The following GMEB1 variants were observed in gnomAD, a reference collection of about 807,000 sequenced individuals.
GMEB1 encodes glucocorticoid modulatory element binding protein 1, also known as glucocorticoid modulatory element-binding protein 1.
A neutral mutation model predicts 52.4 loss-of-function variants in GMEB1; 6 were observed. The observed-to-expected ratio is 0.11, with a 90% CI of 0.06 to 0.23. The LOEUF (loss-of-function observed/expected upper bound fraction) is 0.23. Among genes scored for constraint, GMEB1 ranks in the 10% least tolerant of loss-of-function variants. The probability of loss-of-function intolerance (pLI) is 1.00; values close to 1 mark genes in which losing one functional copy is unlikely to be tolerated. For synonymous variants in GMEB1, 255 were observed against 244.9 expected (o/e 1.04, Z -0.38); for missense variants, 486 against 685.6 (o/e 0.71, Z 3.25).
At chr1:28,672,079 T>A (rs1242939553) in intron 1 of GMEB1, among the ~76,000 whole-genome samples, 1 of 150,474 alleles carries the variant, frequency 6.6e-6, no homozygotes, top group Non-Finnish European at 1.5e-5. Flanking sequence ...GCCATTGCAC[T>A]CCAGCCTGGG....
At position 28,681,136 on chromosome 1, in the gene GMEB1, C is replaced by T. The variant is rs147740991; in HGVS notation, c.-30-2447C>T. Among the ~76,000 whole-genome samples, 17 of 152,190 alleles carry T rather than the reference C, an allele frequency of 1.1e-4. No individual in the cohort carries two copies. In the East Asian group the frequency reaches 1.2e-3, roughly 10 times the overall value. On this transcript the variant is annotated intron_variant, in intron 1 of 9. Coordinates refer to ENST00000373816, the MANE Select transcript of GMEB1 (RefSeq NM_001319674.2). ...CAACAAAGTGAGATGATGGTTGTGA[C>T]GGGGGTACTGCAGGTGCTGAGAGAT...
chr1:28,668,639 C>G (rs903910700), upstream of GMEB1: 1 of 153,250 alleles, frequency 6.5e-6, no homozygotes, highest in Non-Finnish European at 1.5e-5. Context: ...AGGCCCAAAT[C>G]CCTTGGCTAA....
intron 3 of GMEB1, 125 bp downstream of exon 3, chr1:28,690,311 C>G: frequency 1.8e-6 from 1 of 570,110 alleles, no homozygotes; most frequent in Non-Finnish European, 3.1e-6. Flanking sequence ...CCTGTGTGCC[C>G]TACCAGTACT....
intron 8 of GMEB1, among the ~76,000 whole-genome samples, chr1:28,707,031 G>A (rs557529322): frequency 7.9e-6 from 1 of 126,588 alleles, no homozygotes. Context: ...CTCCCAGGCT[G>A]GAGTGCAGTG....
chr1:28,697,649 G>A (rs1236271294), intron 6 of GMEB1, among the ~76,000 whole-genome samples: 1 of 152,148 alleles, frequency 6.6e-6, no homozygotes, highest in Non-Finnish European at 1.5e-5. Context: ...CTCCTCCTTT[G>A]TTTTTTCCTT....
At chr1:28,684,858 T>TTAAA (rs1000883446) in intron 2 of GMEB1, among the ~76,000 whole-genome samples, 6 of 152,060 alleles carry the variant, frequency 3.9e-5, no homozygotes, top group East Asian at 1.9e-4. Context: ...TCCTAGAACT[T>TTAAA]TAAATAAATA....
At chr1:28,676,821 A>C (rs915493176) in intron 1 of GMEB1, among the ~76,000 whole-genome samples, 1 of 152,128 alleles carries the variant, frequency 6.6e-6, no homozygotes, top group Admixed American at 6.6e-5. Flanking sequence ...TAATCTCAGC[A>C]CTTTGGGAGG....
intron 2 of GMEB1, among the ~76,000 whole-genome samples, chr1:28,687,330 T>C: frequency 9.5e-6 from 1 of 105,774 alleles, no homozygotes; most frequent in South Asian, 3.6e-4. Flanking sequence ...AATGAGACCC[T>C]ATCTCACACA....
chr1:28,675,873 G>T (rs906406741), intron 1 of GMEB1, among the ~76,000 whole-genome samples: 5 of 152,086 alleles, frequency 3.3e-5, no homozygotes, highest in African/African-American at 1.2e-4. Flanking sequence ...AGATGACCTT[G>T]CATTTAGAGT....
intron 8 of GMEB1, among the ~76,000 whole-genome samples, chr1:28,705,082 CA>C (rs756423377): frequency 7.2e-3 from 355 of 49,244 alleles, no homozygotes; most frequent in Middle Eastern, 0.021. Flanking sequence ...GACCTTGTCT[CA>C]AAAAAAAAAA....
intron 1 of GMEB1, among the ~76,000 whole-genome samples, chr1:28,670,999 ACT>A (rs1437279127): frequency 1.3e-5 from 2 of 152,152 alleles, no homozygotes; most frequent in East Asian, 3.9e-4. Context: ...ACTCCAAATA[ACT>A]CTTATCCCAT....
intron 2 of GMEB1, among the ~76,000 whole-genome samples, chr1:28,687,346 A>T (rs1007858483): frequency 2.4e-5 from 1 of 41,288 alleles, no homozygotes; most frequent in African/African-American, 9.5e-5. Context: ...ACACACACAC[A>T]CACACACACA....
intron 9 of GMEB1, among the ~76,000 whole-genome samples, chr1:28,713,464 C>G (rs1465266402): frequency 6.6e-6 from 1 of 152,054 alleles, no homozygotes; most frequent in Non-Finnish European, 1.5e-5. Context: ...TTGTCCTGGC[C>G]CAATCTTCAT....
chr1:28,673,908 G>A (rs1216142476), intron 1 of GMEB1, among the ~76,000 whole-genome samples: 1 of 152,026 alleles, frequency 6.6e-6, no homozygotes, highest in Non-Finnish European at 1.5e-5. Flanking sequence ...AGCACTTTGG[G>A]AGGCCGTGGT....
Position 28,714,155 on chromosome 1 carries a change from G to T in GMEB1, c.1074G>T (p.Leu358=). 1.9e-6 allele frequency: 3 copies of T among 1,614,154 alleles called. No homozygotes were observed. The highest frequency in any genetic ancestry group is 2.5e-6 in the Non-Finnish European group (3 of 1,179,996). ...CTCAGACAGTTCAAAATGTGGTACT[G>T]ATGCCTGTGAGCACTCCTAAGCCTC... ...LKSQTVQNVV[L]MPVSTPKPPK... is the part of the protein sequence containing the mutation. The change falls in exon 10 of 10, where the codon CTG becomes CTT. Residue 358 remains leucine, a synonymous_variant. Coordinates refer to ENST00000373816, the MANE Select transcript of GMEB1 (RefSeq NM_001319674.2).
intron 1 of GMEB1, among the ~76,000 whole-genome samples, chr1:28,673,431 A>G (rs1425123554): frequency 1.3e-5 from 2 of 151,044 alleles, no homozygotes; most frequent in Non-Finnish European, 2.9e-5. Context: ...TAATTTTTGT[A>G]TTTTTAGTAG....
In GMEB1 at chr1:28,714,887, C is replaced by A. The variant is rs897073583; in HGVS notation, c.*114C>A. 343 of 698,808 alleles carry A rather than the reference C, an allele frequency of 4.9e-4. No homozygotes were observed. Among genetic ancestry groups the A allele is most frequent in the East Asian group, 3.1e-3 (112 of 36,294 alleles). 43.3% of individuals were successfully genotyped at this position (698,808 alleles called of 1,614,324 possible). ...GGACCCTTTTTTAAAAAAAAAAAAA[C>A]AAAATCTTATTGTTGTAACTGAAAA... On this transcript the variant is annotated 3_prime_UTR_variant, in exon 10 of 10. Transcript: ENST00000373816.
chr1:28,687,004 A>G (rs4654361), intron 2 of GMEB1, among the ~76,000 whole-genome samples: 58,751 of 151,594 alleles, frequency 0.39, 12,736 homozygotes, highest in East Asian at 0.76. Context: ...TGAAGGGATT[A>G]GGAAGGAAAG....
intron 8 of GMEB1, among the ~76,000 whole-genome samples, chr1:28,706,977 GTT>G (rs1237383046): frequency 6.0e-5 from 5 of 82,764 alleles, no homozygotes; most frequent in Admixed American, 4.5e-4. Context: ...TCCAGATTTG[GTT>G]TTTTTTTTTT....
Sources: gnomAD v4.1 joint callset for allele counts (sites outside exome capture counted in the v4.1 genomes callset) on GRCh38, gnomAD v4.1.1 for gene constraint, MANE v1.5 for transcripts, NCBI Gene and HGNC (gene_info 2026-07-23, HGNC 2026-07-21) for gene names.